BLM: variants seen among roughly 807,000 people sequenced by gnomAD.
BLM encodes the protein BLM RecQ like helicase.
Under a neutral mutation model 135.3 loss-of-function variants are expected in BLM, and 95 were observed. The observed-to-expected ratio is 0.70, with a 90% CI of 0.59 to 0.83. The LOEUF is 0.83. Among genes scored for constraint, BLM ranks in the 40% least tolerant of loss-of-function variants. The pLI is 0.00. For synonymous variants in BLM, 520 were observed against 589.2 expected (o/e 0.88, Z 1.70); for missense variants, 1,518 against 1,663.9 (o/e 0.91, Z 1.53).
intron 12 of BLM, among the ~76,000 whole-genome samples, chr15:90,771,334 A>G (rs1896309267): frequency 6.6e-6 from 1 of 152,146 alleles, no homozygotes; most frequent in Non-Finnish European, 1.5e-5. Context: ...TAAAAATACA[A>G]AAATTAGCCA....
chr15:90,754,298 G>A (rs1056026253), intron 4 of BLM, among the ~76,000 whole-genome samples: 6 of 152,106 alleles, frequency 3.9e-5, no homozygotes, highest in African/African-American at 1.4e-4. Flanking sequence ...TAATCTGTGT[G>A]GTGAGGTAAT....
chr15:90,741,017 G>C (rs1392208911), intron 1 of BLM, among the ~76,000 whole-genome samples: 1 of 152,200 alleles, frequency 6.6e-6, no homozygotes, highest in Non-Finnish European at 1.5e-5. Flanking sequence ...GGTACTGCTT[G>C]ACTGTTTTCC....
chr15:90,731,634 A>C (rs1225047635), intron 1 of BLM, among the ~76,000 whole-genome samples: 1 of 152,102 alleles, frequency 6.6e-6, no homozygotes, highest in East Asian at 1.9e-4. Context: ...ATCTCATCTA[A>C]ATTTTAAAAT....
intron 15 of BLM, among the ~76,000 whole-genome samples, chr15:90,792,475 C>T (rs1896929756): frequency 6.6e-6 from 1 of 151,948 alleles, no homozygotes. Flanking sequence ...AGCACTGTGC[C>T]CAACACTGCA....
chr15:90,782,694 G>C (rs144360185), intron 12 of BLM, 128 bp from the exon 13 acceptor site: 1 of 699,460 alleles, frequency 1.4e-6, no homozygotes, highest in Admixed American at 2.4e-5. Flanking sequence ...ATTATCTCCC[G>C]GAGGCTCCAA....
chr15:90,796,978 G>A (rs1897041907), intron 16 of BLM, among the ~76,000 whole-genome samples: 1 of 152,168 alleles, frequency 6.6e-6, no homozygotes, highest in African/African-American at 2.4e-5. Flanking sequence ...TCTGAGAATG[G>A]AGGAGTTGCC....
chr15:90,785,960 C>T (rs1355389587), intron 14 of BLM, among the ~76,000 whole-genome samples: 1 of 149,898 alleles, frequency 6.7e-6, no homozygotes, highest in Non-Finnish European at 1.5e-5. Context: ...TTTATCTACT[C>T]ATCAGCTGGT....
chr15:90,727,089 C>T (rs545608490), intron 1 of BLM, among the ~76,000 whole-genome samples: 1 of 152,190 alleles, frequency 6.6e-6, no homozygotes, highest in Non-Finnish European at 1.5e-5. Context: ...TGCATCCTCA[C>T]CAGCATTTGT....
At chr15:90,801,883 C>T (rs1897173224) in intron 17 of BLM, among the ~76,000 whole-genome samples, 2 of 152,114 alleles carry the variant, frequency 1.3e-5, no homozygotes, top group Non-Finnish European at 2.9e-5. Context: ...TGGCGAAACC[C>T]TGTCTCTACC....
rs1555424890 is a variant in BLM at position 90,809,261 on chromosome 15, T to C, written c.3874+2T>C. ...AATACTCTGAATGGACATCGCCAGG[T>C]TAGTACACAGCCATGTGTGTTCTCT... On this transcript the variant is annotated splice_donor_variant, in intron 20 of 21. Coordinates refer to ENST00000355112, the MANE Select transcript of BLM (RefSeq NM_000057.4). LOFTEE classifies it high-confidence loss of function. 6.2e-7 allele frequency: 1 copy of C among 1,614,190 alleles called. No homozygotes were observed. The highest frequency in any genetic ancestry group is 8.5e-7 in the Non-Finnish European group (1 of 1,180,036).
intron 3 of BLM, among the ~76,000 whole-genome samples, chr15:90,750,293 T>C (rs1895646634): frequency 1.3e-5 from 2 of 152,210 alleles, no homozygotes; most frequent in African/African-American, 2.4e-5. Context: ...TCTGTGATTT[T>C]ATACATGAAG....
chr15:90,739,300 C>T (rs761169814), intron 1 of BLM, among the ~76,000 whole-genome samples: 20 of 152,142 alleles, frequency 1.3e-4, no homozygotes, highest in Non-Finnish European at 2.6e-4. Flanking sequence ...ACTCAGGAGG[C>T]TCGGGCAGGA....
At chr15:90,741,637 C>G (rs565309694) in intron 1 of BLM, among the ~76,000 whole-genome samples, 5 of 152,074 alleles carry the variant, frequency 3.3e-5, no homozygotes, top group Non-Finnish European at 7.4e-5. Flanking sequence ...AGATTTTACC[C>G]TACATTTATA....
intron 21 of BLM, among the ~76,000 whole-genome samples, chr15:90,813,262 A>T (rs1186999566): frequency 6.6e-6 from 1 of 152,164 alleles, no homozygotes; most frequent in Admixed American, 6.5e-5. Flanking sequence ...TTTAATTTTC[A>T]CAACTTTTGT....
chr15:90,784,024 A>G (rs1011900876), intron 13 of BLM, among the ~76,000 whole-genome samples: 2 of 152,190 alleles, frequency 1.3e-5, no homozygotes, highest in African/African-American at 4.8e-5. Context: ...CTAGCATACT[A>G]TATACGTTTC....
In BLM at chr15:90,790,957, A is replaced by G. The variant is rs920623095; in HGVS notation, c.3019+113A>G. The G allele has an allele frequency of 3.8e-5, 41 of 1,083,034 alleles. No individual in the cohort carries two copies. The Middle Eastern group carries it at 8.7e-4, about 23-fold the overall frequency. The allele number at this position is 1,083,034 out of a possible 1,614,324, so 67.1% of individuals were successfully genotyped here. A position where few individuals can be genotyped will look rare whatever the true frequency, so the allele number is the denominator to read the frequency against. On this transcript the variant is annotated intron_variant, in intron 15 of 21. Coordinates refer to ENST00000355112, the MANE Select transcript of BLM (RefSeq NM_000057.4). Reference sequence around the variant, plus strand: ...GTTTTCCTTAAATAATCGTAGAAAAATAGAGGAGTTTATACAGATTGGCAA... The same window carrying G: ...GTTTTCCTTAAATAATCGTAGAAAAGTAGAGGAGTTTATACAGATTGGCAA...
intron 10 of BLM, among the ~76,000 whole-genome samples, chr15:90,767,682 G>A (rs1567044383): frequency 6.6e-6 from 1 of 152,062 alleles, no homozygotes; most frequent in African/African-American, 2.4e-5. Flanking sequence ...TTAACTGATC[G>A]CTTGGTTATG....
intron 2 of BLM, 29 bp downstream of exon 2, chr15:90,747,519 A>G (rs1218728231): frequency 2.1e-6 from 3 of 1,402,522 alleles, no homozygotes; most frequent in African/African-American, 2.8e-5. Flanking sequence ...TTGCTGTCAC[A>G]TAGGCACTAA....
intron 15 of BLM, among the ~76,000 whole-genome samples, chr15:90,791,079 A>G (rs911394977): frequency 6.6e-6 from 1 of 152,170 alleles, no homozygotes; most frequent in African/African-American, 2.4e-5. Flanking sequence ...TTTACAAACC[A>G]TGCCTTGTAG....
Sources: gnomAD v4.1 joint callset for allele counts (sites outside exome capture counted in the v4.1 genomes callset) on GRCh38, gnomAD v4.1.1 for gene constraint, MANE v1.5 for transcripts, NCBI Gene and HGNC (gene_info 2026-07-23, HGNC 2026-07-21) for gene names.